Variants in SLC7A2 observed in about 807,000 individuals in gnomAD.
SLC7A2 encodes the protein cationic amino acid transporter 2.
A neutral mutation model predicts 58.9 loss-of-function variants in SLC7A2; 48 were observed. The observed-to-expected ratio is 0.82, with a 90% CI of 0.65 to 1.04. The LOEUF (loss-of-function observed/expected upper bound fraction) is 1.04, where lower values mean the gene tolerates loss of function less well. Ranked by LOEUF, SLC7A2 falls within the 50% of genes least tolerant of loss-of-function variation. SLC7A2 has a pLI of 0.00. For missense variants in SLC7A2, 1,029 were observed against 818.8 expected, an observed-to-expected ratio of 1.26 and a Z score of -3.13; for synonymous variants, 363 against 314.5, an observed-to-expected ratio of 1.15 and a Z score of -1.63.
intron 2 of SLC7A2, 60 bp from the exon 3 acceptor site, chr8:17,543,258 G>A (rs552374340): frequency 6.7e-7 from 1 of 1,488,054 alleles, no homozygotes; most frequent in East Asian, 2.3e-5. Context: ...TGGAAGCTAG[G>A]TTACCAAAGG....
At chr8:17,550,495 T>A in intron 6 of SLC7A2, 61 bp downstream of exon 6, 1 of 1,516,340 alleles carries the variant, frequency 6.6e-7, no homozygotes, top group Non-Finnish European at 9.0e-7. Context: ...CGAGTACCCG[T>A]GTGTGGTAGC....
In SLC7A2 at chr8:17,544,447, G is replaced by C; in HGVS notation, c.377-4G>C. 6.2e-7 allele frequency: 1 copy of C among 1,613,144 alleles called. No homozygotes were observed. Among genetic ancestry groups the C allele is most frequent in the South Asian group, 1.1e-5 (1 of 90,832 alleles). ...CTTCGTATTCTCTGTTCTGTTTTGG[G>C]AAGGTACATCAAGTGTTGCAAGAGC... On this transcript the variant is annotated splice_polypyrimidine_tract_variant and splice_region_variant and intron_variant, in intron 3 of 12. Transcript: ENST00000494857.
At chr8:17,529,745 T>C (rs1034324702) in intron 2 of SLC7A2, among the ~76,000 whole-genome samples, 2 of 152,036 alleles carry the variant, frequency 1.3e-5, no homozygotes, top group Non-Finnish European at 2.9e-5. Flanking sequence ...CCATGTTAGC[T>C]AGGCTGGTCT....
chr8:17,512,331 G>A (rs1178149769), intron 2 of SLC7A2, among the ~76,000 whole-genome samples: 1 of 152,110 alleles, frequency 6.6e-6, no homozygotes, highest in Non-Finnish European at 1.5e-5. Context: ...TGGATCACCT[G>A]AGGTCAGGAG....
At position 17,544,461 on chromosome 8, in the gene SLC7A2, T is replaced by C; in HGVS notation, c.387T>C (p.Ser129=). The C allele has an allele frequency of 6.2e-7, 1 of 1,613,984 alleles. No homozygotes were observed. Among genetic ancestry groups the C allele is most frequent in the Non-Finnish European group, 8.5e-7 (1 of 1,179,948 alleles). ...LILSYVIGTS[S]VARAWSGTFD... is the part of the protein sequence containing the mutation. ...TTCTGTTTTGGGAAGGTACATCAAGTGTTGCAAGAGCCTGGAGTGGCACCT... is the reference window on the plus strand; with the variant it reads ...TTCTGTTTTGGGAAGGTACATCAAGCGTTGCAAGAGCCTGGAGTGGCACCT... Residue 129 remains serine (S), a synonymous_variant, in exon 4 of 13, where the codon AGT becomes AGC. Coordinates refer to ENST00000494857, the MANE Select transcript of SLC7A2 (RefSeq NM_001370338.1).
rs1187207179 is a variant in SLC7A2, at chr8:17,567,139, G to A, written c.*1993G>A. The A allele has an allele frequency of 6.6e-6, 1 of 152,578 alleles. No individual in the cohort carries two copies. Among genetic ancestry groups the A allele is most frequent in the Non-Finnish European group, 1.5e-5 (1 of 68,042 alleles). 9.5% of individuals were successfully genotyped at this position (152,578 alleles called of 1,614,324 possible). ...CCAGAATTTTCTCTCAAGCTGCGTG[G>A]TTTACTGGAGAGAAGGAGTTGGATA... On this transcript the variant is annotated 3_prime_UTR_variant, in exon 13 of 13. Coordinates refer to ENST00000494857, the MANE Select transcript of SLC7A2 (RefSeq NM_001370338.1).
chr8:17,546,432 G>A (rs967033091), intron 4 of SLC7A2, among the ~76,000 whole-genome samples: 4 of 152,154 alleles, frequency 2.6e-5, no homozygotes, highest in South Asian at 2.1e-4. Context: ...ACGTGAAGCC[G>A]TTGTTTTACT....
At position 17,544,466 on chromosome 8, in the gene SLC7A2, C is replaced by G. The variant is rs1802069359; in HGVS notation, c.392C>G (p.Ala131Gly). The change falls in exon 4 of 13, where the codon GCA (alanine) becomes GGA (glycine). Residue 131 changes from alanine to glycine, a missense_variant. Physicochemically the swap from Ala to Gly is moderately conservative, Grantham distance 60. Transcript: ENST00000494857. ...LSYVIGTSSV[A>G]RAWSGTFDEL... ...TTTTGGGAAGGTACATCAAGTGTTG[C>G]AAGAGCCTGGAGTGGCACCTTTGAT... The G allele has an allele frequency of 3.1e-6, 5 of 1,613,842 alleles. No homozygotes were observed. The East Asian group carries it at 8.9e-5, about 29-fold the overall frequency.
At chr8:17,562,581 C>T (rs1475939145) in intron 11 of SLC7A2, among the ~76,000 whole-genome samples, 1 of 152,040 alleles carries the variant, frequency 6.6e-6, no homozygotes, top group Non-Finnish European at 1.5e-5. Flanking sequence ...TCAGGTGATC[C>T]ACCTGCCTCA....
intron 10 of SLC7A2, 132 bp downstream of exon 10, chr8:17,560,665 C>A: frequency 1.4e-6 from 1 of 700,004 alleles, no homozygotes. Context: ...AAATTTTCAC[C>A]TAAAGCATCA....
intron 1 of SLC7A2, among the ~76,000 whole-genome samples, chr8:17,497,678 G>C (rs1800007721): frequency 6.6e-6 from 1 of 152,220 alleles, no homozygotes; most frequent in African/African-American, 2.4e-5. Flanking sequence ...CGCTGCCGGG[G>C]TCCCCGAAGC....
upstream of SLC7A2, among the ~76,000 whole-genome samples, chr8:17,495,478 T>C (rs958017656): frequency 6.6e-6 from 1 of 152,234 alleles, no homozygotes; most frequent in Non-Finnish European, 1.5e-5. Context: ...CAGTCTCTAT[T>C]ACTTAAGACA....
chr8:17,554,892 C>G (rs1456804183), intron 8 of SLC7A2, 193 bp downstream of exon 8: 6 of 1,597,066 alleles, frequency 3.8e-6, no homozygotes, highest in African/African-American at 1.3e-5. Flanking sequence ...CTATACCTGT[C>G]TAGAATAATC....
At position 17,565,313 on chromosome 8, in the gene SLC7A2, A is replaced by C; in HGVS notation, c.*167A>C. On this transcript the variant is annotated 3_prime_UTR_variant, in exon 13 of 13. Coordinates refer to ENST00000494857, the MANE Select transcript of SLC7A2 (RefSeq NM_001370338.1). ...ACAGCATCTCCTCAGATGGTGAATT[A>C]TGTGCACGGGGAAACCTCCTGAGTG... 1.5e-5 allele frequency: 9 copies of C among 598,204 alleles called. No individual in the cohort carries two copies. The South Asian group carries it at 2.0e-4, about 13-fold the overall frequency. 37.1% of individuals were successfully genotyped at this position (598,204 alleles called of 1,614,324 possible). A position where few individuals can be genotyped will look rare whatever the true frequency, so the allele number is the denominator to read the frequency against.
At position 17,548,710 on chromosome 8, in the gene SLC7A2, T is replaced by C. The variant is rs1347714952; in HGVS notation, c.565T>C (p.Trp189Arg). ...LLSFGVKESAWVNKVFTAVNI... is the reference protein window; with the variant it reads ...LLSFGVKESARVNKVFTAVNI... ...GTCTTTTGGAGTAAAAGAGTCTGCT[T>C]GGGTGAATAAAGTCTTCACAGCTGT... Residue 189 changes from tryptophan (W) to arginine (R), a missense_variant, in exon 5 of 13, where the codon TGG (tryptophan) becomes CGG (arginine). Trp to Arg is a moderately radical substitution (Grantham distance 101, BLOSUM62 -3). Coordinates refer to ENST00000494857, the MANE Select transcript of SLC7A2 (RefSeq NM_001370338.1). The C allele has an allele frequency of 1.2e-6, 2 of 1,612,642 alleles. No individual in the cohort carries two copies. The highest frequency in any genetic ancestry group is 3.3e-5 in the Admixed American group (2 of 59,860).
rs1344384868 is a variant in SLC7A2 at position 17,567,510 on chromosome 8, C to G, written c.*2364C>G. 6.6e-6 allele frequency: 1 copy of G among 152,534 alleles called. No homozygotes were observed. Among genetic ancestry groups the G allele is most frequent in the Non-Finnish European group, 1.5e-5 (1 of 68,020 alleles). 9.4% of individuals were successfully genotyped at this position (152,534 alleles called of 1,614,324 possible). A position where few individuals can be genotyped will look rare whatever the true frequency, so the allele number is the denominator to read the frequency against. On this transcript the variant is annotated 3_prime_UTR_variant, in exon 13 of 13. Coordinates refer to ENST00000494857, the MANE Select transcript of SLC7A2 (RefSeq NM_001370338.1). Reference sequence around the variant, plus strand: ...CTGTGCCTTTTTTTCTGTGAAGACTCAACGGATGTGTGTGTTTGTATGTTT... The same window carrying G: ...CTGTGCCTTTTTTTCTGTGAAGACTGAACGGATGTGTGTGTTTGTATGTTT...
intron 7 of SLC7A2, among the ~76,000 whole-genome samples, chr8:17,554,257 G>C (rs2150762234): frequency 6.6e-6 from 1 of 152,198 alleles, no homozygotes; most frequent in African/African-American, 2.4e-5. Flanking sequence ...TAATTATTTA[G>C]TTTTAATTTG....
At chr8:17,500,831 C>G (rs1479011172) in intron 1 of SLC7A2, among the ~76,000 whole-genome samples, 1 of 121,654 alleles carries the variant, frequency 8.2e-6, no homozygotes, top group Non-Finnish European at 2.0e-5. Flanking sequence ...CACACACACA[C>G]ACACACACAC....
At chr8:17,520,582 A>G (rs10109806) in intron 2 of SLC7A2, among the ~76,000 whole-genome samples, 79,513 of 143,156 alleles carry the variant, frequency 0.56, 23,770 homozygotes, top group South Asian at 0.72. Flanking sequence ...TGAAGGTTGC[A>G]GTGAGCCGAG....
Sources: allele counts gnomAD v4.1 joint callset (sites outside exome capture counted in the v4.1 genomes callset), GRCh38; gene constraint gnomAD v4.1.1; transcripts MANE v1.5; gene names NCBI Gene and HGNC (gene_info 2026-07-23, HGNC 2026-07-21).